DBF4: variants seen among roughly 807,000 people sequenced by gnomAD.
The protein encoded by DBF4 is protein DBF4 homolog A.
DBF4 carries 25 observed loss-of-function variants against 76.6 expected under a neutral mutation model. The ratio of observed to expected loss-of-function variants is 0.33; its 90% CI spans 0.24 to 0.46. The LOEUF is 0.46. Among genes scored for constraint, DBF4 ranks in the 20% least tolerant of loss-of-function variants. The pLI, the probability that DBF4 is intolerant of heterozygous loss-of-function variation, is 1.00. For missense variants in DBF4, 638 were observed against 760.8 expected, an observed-to-expected ratio of 0.84 and a Z score of 1.90; for synonymous variants, 213 against 258.0, an observed-to-expected ratio of 0.83 and a Z score of 1.67.
intron 3 of DBF4, among the ~76,000 whole-genome samples, chr7:87,885,840 C>T (rs1401691262): frequency 1.3e-5 from 2 of 152,084 alleles, no homozygotes; most frequent in African/African-American, 4.8e-5. Flanking sequence ...CCCTACCACT[C>T]CATGGCCAGT....
intron 2 of DBF4, among the ~76,000 whole-genome samples, chr7:87,881,666 A>G (rs1436215449): frequency 1.3e-5 from 2 of 152,214 alleles, no homozygotes; most frequent in Non-Finnish European, 2.9e-5. Flanking sequence ...GTATATCAGC[A>G]CTATTTTAGA....
Position 87,907,482 on chromosome 7 carries a change from T to A in DBF4, c.1344T>A (p.Phe448Leu), listed in dbSNP as rs1157371870. The A allele has an allele frequency of 1.2e-6, 2 of 1,613,904 alleles. No individual in the cohort carries two copies. The highest frequency in any genetic ancestry group is 1.7e-6 in the Non-Finnish European group (2 of 1,179,940). The change falls in exon 12 of 12, where the codon TTT (phenylalanine) becomes TTA (leucine). Residue 448 changes from phenylalanine to leucine, a missense_variant. Physicochemically the swap from Phe to Leu is conservative, Grantham distance 22 (BLOSUM62 0). Transcript: ENST00000265728. ...STAEDDIRQN[F>L]TQLPLHKNKQ... is the part of the protein sequence containing the mutation. ...CTGAAGATGACATAAGACAGAATTT[T>A]ACACAGCTACCTCTACATAAAAACA... is the stretch of plus-strand genomic sequence containing the variant.
Position 87,899,128 on chromosome 7 carries a change from C to T in DBF4, c.681-1093C>T, listed in dbSNP as rs976089074. Among the ~76,000 whole-genome samples, 3 of 152,140 alleles carry T rather than the reference C, an allele frequency of 2.0e-5. No homozygotes were observed. In the South Asian group the frequency reaches 6.2e-4, roughly 31 times the overall value. The stretch of plus-strand genomic sequence containing the variant: ...ACCAAAGACCTAAAATGGTAAAACT[C>T]TTGGAGAGAACACAGGGGAAAAGCT... On this transcript the variant is annotated intron_variant, in intron 8 of 11. Transcript: ENST00000265728.
At chr7:87,888,355 T>C (rs1314672681) in intron 6 of DBF4, 27 of 962,994 alleles carry the variant, frequency 2.8e-5, no homozygotes, top group Non-Finnish European at 3.2e-5. Context: ...GCCTGTTGTA[T>C]AAACGTTCCT....
At chr7:87,893,778 T>C (rs1175074305) in intron 6 of DBF4, among the ~76,000 whole-genome samples, 1 of 152,260 alleles carries the variant, frequency 6.6e-6, no homozygotes, top group Admixed American at 6.5e-5. Context: ...TGTCTTTTAA[T>C]TGGTAGTTTA....
At chr7:87,881,104 G>C (rs13238458) in intron 2 of DBF4, among the ~76,000 whole-genome samples, 1 of 152,096 alleles carries the variant, frequency 6.6e-6, no homozygotes. Context: ...TCTGTGTTTT[G>C]GTAGATTCAA....
chr7:87,889,131 A>C (rs1183921761), intron 6 of DBF4, among the ~76,000 whole-genome samples: 1 of 152,182 alleles, frequency 6.6e-6, no homozygotes, highest in Non-Finnish European at 1.5e-5. Context: ...AAGGAGTTAG[A>C]TTTTATCTTG....
intron 2 of DBF4, among the ~76,000 whole-genome samples, chr7:87,879,510 T>G (rs1467729309): frequency 6.6e-6 from 1 of 152,180 alleles, no homozygotes; most frequent in Non-Finnish European, 1.5e-5. Flanking sequence ...GTTAAGGACC[T>G]TAGACATTGA....
At chr7:87,889,373 G>C (rs867947127) in intron 6 of DBF4, among the ~76,000 whole-genome samples, 1 of 150,392 alleles carries the variant, frequency 6.6e-6, no homozygotes, top group African/African-American at 2.5e-5. Flanking sequence ...TCCTCCTCCC[G>C]GGCTCAAGCG....
At chr7:87,878,343 T>C in intron 2 of DBF4, 118 bp downstream of exon 2, 1 of 766,854 alleles carries the variant, frequency 1.3e-6, no homozygotes, top group Admixed American at 3.1e-5. Flanking sequence ...AGCTTAACAT[T>C]TTTATCAGCT....
chr7:87,879,234 C>A (rs1839149965), intron 2 of DBF4, among the ~76,000 whole-genome samples: 1 of 152,172 alleles, frequency 6.6e-6, no homozygotes, highest in African/African-American at 2.4e-5. Context: ...CAAGCATGAG[C>A]CCTCCAGGCC....
At chr7:87,887,673 G>T (rs1839390922) in intron 5 of DBF4, among the ~76,000 whole-genome samples, 1 of 152,184 alleles carries the variant, frequency 6.6e-6, no homozygotes, top group Admixed American at 6.5e-5. Flanking sequence ...GCAGCACAGA[G>T]TATCACATGG....
At chr7:87,888,298 T>C (rs1839411230) in intron 6 of DBF4, 2 of 985,030 alleles carry the variant, frequency 2.0e-6, no homozygotes, top group South Asian at 4.7e-5. Flanking sequence ...TACTGCTGTT[T>C]TGTAACAGGT....
At chr7:87,887,107 T>C (rs1257508129) in intron 4 of DBF4, among the ~76,000 whole-genome samples, 1 of 152,218 alleles carries the variant, frequency 6.6e-6, no homozygotes, top group Non-Finnish European at 1.5e-5. Context: ...ACTTAAAACT[T>C]GCCTTATAGT....
At chr7:87,882,345 T>G (rs1839236847) in intron 2 of DBF4, among the ~76,000 whole-genome samples, 1 of 152,198 alleles carries the variant, frequency 6.6e-6, no homozygotes, top group Non-Finnish European at 1.5e-5. Flanking sequence ...GATCTAAGAT[T>G]TATTTGTAAG....
chr7:87,886,535 CAAAA>C (rs11411808), intron 3 of DBF4, among the ~76,000 whole-genome samples: 4 of 54,252 alleles, frequency 7.4e-5, no homozygotes, highest in African/African-American at 2.0e-4. Flanking sequence ...ACTTTGTCTC[CAAAA>C]AAAAAAAAAA....
chr7:87,892,808 CT>C, intron 6 of DBF4, among the ~76,000 whole-genome samples: 1 of 152,046 alleles, frequency 6.6e-6, no homozygotes, highest in Non-Finnish European at 1.5e-5. Flanking sequence ...TGTGGGGTTA[CT>C]TTTATCATTT....
intron 10 of DBF4, among the ~76,000 whole-genome samples, chr7:87,903,404 A>G (rs1403562160): frequency 6.6e-6 from 1 of 152,176 alleles, no homozygotes; most frequent in Non-Finnish European, 1.5e-5. Context: ...AAGAATGAGA[A>G]TAACTTCTGT....
At position 87,900,877 on chromosome 7, in the gene DBF4, C is replaced by A; in HGVS notation, c.923C>A (p.Thr308Asn). ...TTGCAGAAATATGAAGATCTAGAAA[C>A]TGTAAATGTGATTTTATATTTTGGG... ...CCLQKYEDLE[T>N]HLLSEQHRNF... is the part of the protein sequence containing the mutation. Residue 308 changes from threonine (T) to asparagine (N), a missense_variant and splice_region_variant, in exon 10 of 12, where the codon ACT becomes AAT. By Grantham distance (65) the Thr-to-Asn change is moderately conservative. Transcript: ENST00000265728. 6.2e-7 allele frequency: 1 copy of A among 1,607,554 alleles called. No homozygotes were observed. Among genetic ancestry groups the A allele is most frequent in the Non-Finnish European group, 8.5e-7 (1 of 1,176,486 alleles).
Sources: gnomAD v4.1 joint callset for allele counts (sites outside exome capture counted in the v4.1 genomes callset) on GRCh38, gnomAD v4.1.1 for gene constraint, MANE v1.5 for transcripts, NCBI Gene and HGNC (gene_info 2026-07-23, HGNC 2026-07-21) for gene names.